Variants in NCOA4 observed in about 807,000 individuals in gnomAD.
NCOA4 encodes the protein nuclear receptor coactivator 4, also known as 70 kDa AR-activator.
Under a neutral mutation model 69.5 loss-of-function variants are expected in NCOA4, and 31 were observed. The ratio of observed to expected loss-of-function variants is 0.45; its 90% CI spans 0.34 to 0.60. The LOEUF is 0.60. Ranked by LOEUF, NCOA4 falls within the 20% of genes least tolerant of loss-of-function variation. The pLI is 0.02. For missense variants in NCOA4, 600 were observed against 719.2 expected, an observed-to-expected ratio of 0.83 and a Z score of 1.90; for synonymous variants, 228 against 252.4, an observed-to-expected ratio of 0.90 and a Z score of 0.92.
At chr10:46,020,293 C>T (rs537444092) in intron 1 of NCOA4, among the ~76,000 whole-genome samples, 115 of 152,282 alleles carry the variant, frequency 7.6e-4, no homozygotes, top group Non-Finnish European at 1.3e-3. Flanking sequence ...GCTTGAGACC[C>T]CTGAGCTAGT....
chr10:46,012,062 A>AAAAG (rs1564921445), intron 7 of NCOA4, among the ~76,000 whole-genome samples: 9 of 91,448 alleles, frequency 9.8e-5, no homozygotes, highest in East Asian at 3.4e-4. Context: ...CTCGGTCTCA[A>AAAAG]AAAGAAAGAA....
rs1269445757 is a variant in NCOA4, at chr10:46,023,437, C to T, written c.-14-6743G>A. The stretch of plus-strand genomic sequence containing the variant: ...GAGCCCGGGCCTCGTCCCGCCCACG[C>T]GTCACACGGCAACTCCAGTTCGCCC... On this transcript the variant is annotated intron_variant, in intron 1 of 9. Coordinates refer to ENST00000581486, the MANE Select transcript of NCOA4 (RefSeq NM_001145263.2). The T allele has an allele frequency of 1.1e-5, 11 of 985,604 alleles. No homozygotes were observed. The African/African-American group carries it at 1.7e-4, about 16-fold the overall frequency. The allele number at this position is 985,604 out of a possible 1,614,324, so 61.1% of individuals were successfully genotyped here. A position where few individuals can be genotyped will look rare whatever the true frequency, so the allele number is the denominator to read the frequency against.
chr10:46,028,449 C>A (rs1554925887), intron 1 of NCOA4, among the ~76,000 whole-genome samples: 2 of 151,440 alleles, frequency 1.3e-5, no homozygotes, highest in African/African-American at 4.9e-5. Flanking sequence ...TAAGTATTTA[C>A]ATCTAGTCTA....
chr10:46,016,205 G>A (rs1405643048), intron 2 of NCOA4, among the ~76,000 whole-genome samples: 1 of 152,222 alleles, frequency 6.6e-6, no homozygotes, highest in African/African-American at 2.4e-5. Context: ...ATGCAGCTGA[G>A]AGGATACTGC....
intron 7 of NCOA4, among the ~76,000 whole-genome samples, chr10:46,012,105 G>GAAAAAAAAAAA (rs1839267522): frequency 2.0e-5 from 1 of 50,036 alleles, no homozygotes; most frequent in East Asian, 5.9e-4. Flanking sequence ...AAAAAAAAAC[G>GAAAAAAAAAAA]AAAAAAGAAA....
chr10:46,005,846 G>A lies in NCOA4; in HGVS notation c.*746C>T, dbSNP rs1159559817. 3.4e-5 allele frequency: 7 copies of A among 207,302 alleles called. No homozygotes were observed. The highest frequency in any genetic ancestry group is 6.8e-5 in the African/African-American group (3 of 43,890). 12.8% of individuals were successfully genotyped at this position (207,302 alleles called of 1,614,324 possible). On this transcript the variant is annotated 3_prime_UTR_variant, in exon 10 of 10. Transcript: ENST00000581486. ...CGGTACTGGGGTTCTTTTAAGCCCC[G>A]TAGGTCTGTAGAATATTTTAAAAGG...
rs1554919547 is a variant in NCOA4, at chr10:46,005,992, A to G, written c.*600T>C. 4.9e-6 allele frequency: 1 copy of G among 206,130 alleles called. No homozygotes were observed. Among genetic ancestry groups the G allele is most frequent in the African/African-American group, 2.3e-5 (1 of 43,876 alleles). The allele number at this position is 206,130 out of a possible 1,614,324, so 12.8% of individuals were successfully genotyped here. A position where few individuals can be genotyped will look rare whatever the true frequency, so the allele number is the denominator to read the frequency against. ...CAGTAGCTGAGTTTAAGTGAAGAATAATGTAGAACTAACGTGGGCTAAAAT... is the reference window on the plus strand; with the variant it reads ...CAGTAGCTGAGTTTAAGTGAAGAATGATGTAGAACTAACGTGGGCTAAAAT... On this transcript the variant is annotated 3_prime_UTR_variant, in exon 10 of 10. Coordinates refer to ENST00000581486, the MANE Select transcript of NCOA4 (RefSeq NM_001145263.2).
At chr10:46,025,975 A>G (rs1347914361) in intron 1 of NCOA4, among the ~76,000 whole-genome samples, 1 of 152,238 alleles carries the variant, frequency 6.6e-6, no homozygotes, top group Non-Finnish European at 1.5e-5. Context: ...CTGAATCGAC[A>G]TAAAGAGAAA....
intron 9 of NCOA4, among the ~76,000 whole-genome samples, chr10:46,008,745 T>C (rs1477958466): frequency 1.4e-5 from 2 of 142,738 alleles, no homozygotes; most frequent in Non-Finnish European, 3.0e-5. Context: ...CAGCATCACA[T>C]GTTAGAAATA....
intron 1 of NCOA4, among the ~76,000 whole-genome samples, chr10:46,020,836 T>C (rs1554924212): frequency 6.6e-6 from 1 of 152,246 alleles, no homozygotes; most frequent in African/African-American, 2.4e-5. Context: ...AATGTCTTTT[T>C]ATCTTCACCA....
rs782144718 is a variant in NCOA4, at chr10:46,012,977, C to T, written c.620G>A (p.Gly207Glu). Residue 207 changes from glycine to glutamate, a missense_variant, in exon 7 of 10, where the codon GGA becomes GAA. Transcript: ENST00000581486. Reference protein sequence around the residue: ...VAVPFSEWLLGSKPASGYQAP... With the variant: ...VAVPFSEWLLESKPASGYQAP... ...TTGATAACCACTGGCAGGTTTGCTTCCAAGGAGCCATTCGCTGAAAGGGAC... is the reference window on the plus strand; with the variant it reads ...TTGATAACCACTGGCAGGTTTGCTTTCAAGGAGCCATTCGCTGAAAGGGAC... 1.5e-5 allele frequency: 25 copies of T among 1,613,984 alleles called. No individual in the cohort carries two copies. Among genetic ancestry groups the T allele is most frequent in the African/African-American group, 2.7e-5 (2 of 74,882 alleles).
rs782407175 is a variant in NCOA4 at position 46,013,009 on chromosome 10, A to G, written c.588T>C (p.Ile196=). The change falls in exon 7 of 10, where the codon ATT becomes ATC. Residue 196 remains isoleucine (I), a synonymous_variant. Transcript: ENST00000581486. ...GCCATTCGCTGAAAGGGACAGCTAC[A>G]ATACCGGATGCTGACTTCTGTTAAT... ...SMPEQKSASG[I]VAVPFSEWLL... 2 of 1,614,012 alleles carry G rather than the reference A, an allele frequency of 1.2e-6. No individual in the cohort carries two copies. The highest frequency in any genetic ancestry group is 2.2e-5 in the East Asian group (1 of 44,894).
Position 46,012,910 on chromosome 10 carries a change from G to A in NCOA4, c.687C>T (p.Thr229=), listed in dbSNP as rs782055356. Residue 229 remains threonine, a synonymous_variant, in exon 7 of 10, where the codon ACC becomes ACT. Transcript: ENST00000581486. ...IPSTDPQDWL[T]QKQTLENSQT... is the part of the protein sequence containing the mutation. ...GACTGTTCTCCAAGGTCTGCTTTTG[G>A]GTAAGCCAGTCCTGGGGGTCGGTGC... 1.9e-6 allele frequency: 3 copies of A among 1,614,076 alleles called. No individual in the cohort carries two copies. In the South Asian group the frequency reaches 3.3e-5, roughly 18 times the overall value.
chr10:46,014,297 G>T, intron 5 of NCOA4, 147 bp downstream of exon 5: 1 of 617,114 alleles, frequency 1.6e-6, no homozygotes, highest in Non-Finnish European at 2.8e-6. Flanking sequence ...GATTACAGGC[G>T]TGAGCCACCA....
rs1412841198 is a variant in NCOA4, at chr10:46,010,712, C to T, written c.1209G>A (p.Val403=). ...NHQDPCKVEE[V]CRANEPCTSF... ...TTGTGCAGGGCTCATTGGCTCTGCA[C>T]ACCTCCTCTACCTTACATGGGTCCT... The change falls in exon 8 of 10, where the codon GTG becomes GTA. Residue 403 remains valine, a synonymous_variant. Transcript: ENST00000581486. 5.0e-6 allele frequency: 8 copies of T among 1,613,916 alleles called. No individual in the cohort carries two copies. In the Admixed American group the frequency reaches 5.0e-5, roughly 10 times the overall value.
Position 46,016,714 on chromosome 10 carries a change from A to T in NCOA4, c.-14-20T>A. ...CTGCTCCTTTAAAAGAAAAAAATAT[A>T]TATAAATAGCACCATAATTACAACC... On this transcript the variant is annotated intron_variant, in intron 1 of 9. Coordinates refer to ENST00000581486, the MANE Select transcript of NCOA4 (RefSeq NM_001145263.2). 1 of 1,385,344 alleles carries T rather than the reference A, an allele frequency of 7.2e-7. No homozygotes were observed. The highest frequency in any genetic ancestry group is 9.5e-7 in the Non-Finnish European group (1 of 1,055,380). The allele number at this position is 1,385,344 out of a possible 1,614,324, so 85.8% of individuals were successfully genotyped here. A position where few individuals can be genotyped will look rare whatever the true frequency, so the allele number is the denominator to read the frequency against.
Position 46,015,152 on chromosome 10 carries a change from G to C in NCOA4, c.256C>G (p.Gln86Glu), listed in dbSNP as rs782621347. 6.2e-7 allele frequency: 1 copy of C among 1,614,188 alleles called. No individual in the cohort carries two copies. ...GAGTAGAGCTGCTGAGCCTGCTGTT[G>C]AAGTGTCTCCTCTTTAAGCTGATAA... ...LIYQLKEETL[Q>E]QQAQQLYSLL... The change falls in exon 3 of 10, where the codon CAA becomes GAA. Residue 86 changes from glutamine to glutamate, a missense_variant. By Grantham distance (29) the Gln-to-Glu change is conservative. Coordinates refer to ENST00000581486, the MANE Select transcript of NCOA4 (RefSeq NM_001145263.2).
Position 46,011,355 on chromosome 10 carries a change from C to A in NCOA4, c.715-149G>T, listed in dbSNP as rs113117835. On this transcript the variant is annotated intron_variant, in intron 7 of 9. Transcript: ENST00000581486. The stretch of plus-strand genomic sequence containing the variant: ...CAATCTCAGCTCACTGCAAGCTCTG[C>A]CTCCCAGCTTCACGCCATTCTCCTG... 995 of 745,664 alleles carry A rather than the reference C, an allele frequency of 1.3e-3. 8 individuals carry two copies. The highest frequency in any genetic ancestry group is 2.5e-3 in the Admixed American group (83 of 33,126). 46.2% of individuals were successfully genotyped at this position (745,664 alleles called of 1,614,324 possible).
intron 1 of NCOA4, among the ~76,000 whole-genome samples, chr10:46,022,810 A>G (rs1053998722): frequency 5.3e-5 from 8 of 152,188 alleles, no homozygotes; most frequent in Non-Finnish European, 1.0e-4. Flanking sequence ...GATTATATAC[A>G]TCTTACCTTA....
Sources: gnomAD v4.1 joint callset for allele counts (sites outside exome capture counted in the v4.1 genomes callset) on GRCh38, gnomAD v4.1.1 for gene constraint, MANE v1.5 for transcripts, NCBI Gene and HGNC (gene_info 2026-07-23, HGNC 2026-07-21) for gene names.